NRG1: variants seen among roughly 807,000 people sequenced by gnomAD.
NRG1 encodes the protein pro-neuregulin-1, membrane-bound isoform.
In NRG1, 18 loss-of-function variants were observed where a neutral mutation model predicts 63.8. The observed-to-expected ratio is 0.28, with a 90% CI of 0.19 to 0.42. NRG1 has a LOEUF of 0.42. Among genes scored for constraint, NRG1 ranks in the 10% least tolerant of loss-of-function variants. The pLI, the probability that NRG1 is intolerant of heterozygous loss-of-function variation, is 1.00. For missense variants in NRG1, 762 were observed against 814.7 expected (o/e 0.94, Z 0.79); for synonymous variants, 302 against 301.3 (o/e 1.00, Z -0.02).
chr8:31,730,071 G>A (rs1020242393), intron 1 of NRG1, among the ~76,000 whole-genome samples: 1 of 152,090 alleles, frequency 6.6e-6, no homozygotes, highest in African/African-American at 2.4e-5. Context: ...GAGCAATACA[G>A]TCAAACTGAT....
At chr8:32,164,982 G>T (rs118101294) in intron 1 of NRG1, among the ~76,000 whole-genome samples, 1,766 of 152,150 alleles carry the variant, frequency 0.012, 17 homozygotes, top group Admixed American at 0.024. Context: ...GAGGCACTAA[G>T]AAATAAAATG....
At chr8:32,565,743 C>T (rs968721845) in intron 1 of NRG1, among the ~76,000 whole-genome samples, 15 of 152,048 alleles carry the variant, frequency 9.9e-5, no homozygotes. Flanking sequence ...GCAGAGTAAG[C>T]CTAGTTGTTT....
intron 1 of NRG1, among the ~76,000 whole-genome samples, chr8:32,243,048 C>G (rs1377710860): frequency 6.6e-6 from 1 of 152,070 alleles, no homozygotes. Flanking sequence ...TTGTAGATGT[C>G]TGTCTTCTCC....
intron 1 of NRG1, among the ~76,000 whole-genome samples, chr8:32,432,072 T>C (rs888491190): frequency 6.6e-6 from 1 of 152,130 alleles, no homozygotes; most frequent in Non-Finnish European, 1.5e-5. Flanking sequence ...GAATTCCTAA[T>C]TGTAGAATTT....
intron 6 of NRG1, among the ~76,000 whole-genome samples, chr8:32,735,210 A>G (rs986623692): frequency 9.8e-5 from 15 of 152,320 alleles, no homozygotes; most frequent in Non-Finnish European, 1.6e-4. Flanking sequence ...TCTGTTGGTG[A>G]ACACTTAAGT....
chr8:32,488,613 C>CCAAACAAACAAA (rs34689410), intron 1 of NRG1, among the ~76,000 whole-genome samples: 29 of 150,286 alleles, frequency 1.9e-4, no homozygotes, highest in African/African-American at 6.4e-4. Flanking sequence ...CCATCTCTAC[C>CCAAACAAACAAA]CAAACAAACA....
chr8:32,214,201 C>A (rs1383424668), intron 1 of NRG1, among the ~76,000 whole-genome samples: 1 of 152,102 alleles, frequency 6.6e-6, no homozygotes, highest in Non-Finnish European at 1.5e-5. Flanking sequence ...TTTCTTATAG[C>A]TGTTTTCTCT....
At chr8:32,330,782 C>G (rs1196858700) in intron 1 of NRG1, among the ~76,000 whole-genome samples, 1 of 152,164 alleles carries the variant, frequency 6.6e-6, no homozygotes, top group African/African-American at 2.4e-5. Context: ...GGCCACGGAC[C>G]ATGGCACTCA....
At chr8:32,095,556 T>A (rs1343195872) in intron 1 of NRG1, among the ~76,000 whole-genome samples, 1 of 152,198 alleles carries the variant, frequency 6.6e-6, no homozygotes, top group Non-Finnish European at 1.5e-5. Context: ...TTTTTAATTG[T>A]CCATATGAAA....
rs1834553102 is a variant in NRG1 at position 31,928,222 on chromosome 8, A to C, written c.37+288791A>C. Among the ~76,000 whole-genome samples the C allele has an allele frequency of 3.9e-5, 6 of 151,966 alleles. No homozygotes were observed. In the South Asian group the frequency reaches 1.2e-3, roughly 31 times the overall value. ...CTTGGTATTTTTGAAGTTCCACTTG[A>C]AAGTGCTGTTGGCCATCACTAATCA... is the stretch of plus-strand genomic sequence containing the variant. On this transcript the variant is annotated intron_variant, in intron 1 of 10. Transcript: ENST00000519301.
In NRG1 at chr8:31,939,856, C is replaced by T. The variant is rs141140715; in HGVS notation, c.37+300425C>T. Among the ~76,000 whole-genome samples, 68 of 152,222 alleles carry T rather than the reference C, an allele frequency of 4.5e-4. No individual in the cohort carries two copies. In the East Asian group the frequency reaches 0.013, roughly 28 times the overall value. Reference sequence around the variant, plus strand: ...TATAATGTTAAAGGGATTAGTCTGGCAGGAAAATACCGCAATTCTAAATAT... The same window carrying T: ...TATAATGTTAAAGGGATTAGTCTGGTAGGAAAATACCGCAATTCTAAATAT... On this transcript the variant is annotated intron_variant, in intron 1 of 10. Coordinates refer to the NRG1 transcript ENST00000519301.
At chr8:32,449,716 T>C (rs192131648) in intron 1 of NRG1, among the ~76,000 whole-genome samples, 36 of 152,340 alleles carry the variant, frequency 2.4e-4, no homozygotes, top group Admixed American at 1.4e-3. Context: ...TATTTGGATA[T>C]ACTGGTATTA....
At chr8:32,548,371 A>C (rs1434456506) in exon 1 of NRG1, 2 of 1,030,020 alleles carry the variant, frequency 1.9e-6, no homozygotes, top group Non-Finnish European at 2.3e-6. Context: ...CGGCTGCCGG[A>C]CGATGGGAGC....
At chr8:32,590,528 A>G (rs17721438) in intron 1 of NRG1, among the ~76,000 whole-genome samples, 22,836 of 152,252 alleles carry the variant, frequency 0.15, 1,838 homozygotes, top group Middle Eastern at 0.2. Context: ...CTTTCAAGAC[A>G]AGTAAAAATT....
intron 5 of NRG1, among the ~76,000 whole-genome samples, chr8:32,664,021 A>G (rs1202738225): frequency 5.3e-5 from 8 of 152,166 alleles, no homozygotes; most frequent in Non-Finnish European, 1.2e-4. Flanking sequence ...CATCCATCCT[A>G]CCACATAGGT....
rs144418699 is a variant in NRG1 at position 31,812,894 on chromosome 8, T to C, written c.37+173463T>C. Among the ~76,000 whole-genome samples, 1,138 of 152,324 alleles carry C rather than the reference T, an allele frequency of 7.5e-3. 9 individuals carry two copies. Among genetic ancestry groups the C allele is most frequent in the Middle Eastern group, 0.02 (6 of 294 alleles). ...ATAGTCTAAGTGTGATTATCAAAAA[T>C]GCTTGAGAATCAATAGAACCACATG... On this transcript the variant is annotated intron_variant, in intron 1 of 10. Transcript: ENST00000519301.
intron 1 of NRG1, among the ~76,000 whole-genome samples, chr8:32,165,253 C>T (rs192230733): frequency 1.3e-5 from 2 of 152,130 alleles, no homozygotes; most frequent in African/African-American, 4.8e-5. Flanking sequence ...ATCTTCCTAC[C>T]TCAGCCTTCT....
chr8:32,654,302 T>A (rs1290475239), intron 5 of NRG1, among the ~76,000 whole-genome samples: 1 of 152,212 alleles, frequency 6.6e-6, no homozygotes, highest in Non-Finnish European at 1.5e-5. Context: ...TTAGTAAAAC[T>A]TTTATCACCC....
Position 31,649,791 on chromosome 8 carries a change from A to G in NRG1, c.37+10360A>G, listed in dbSNP as rs575959908. Among the ~76,000 whole-genome samples, 30 of 152,324 alleles carry G rather than the reference A, an allele frequency of 2.0e-4. No homozygotes were observed. The South Asian group carries it at 4.6e-3, about 23-fold the overall frequency. On this transcript the variant is annotated intron_variant, in intron 1 of 10. Transcript: ENST00000519301. ...TCATGAGAATATTGTATTTTTATTC[A>G]TATTGCTATCAGTGTAGTCCAGAAA...
Sources: allele counts gnomAD v4.1 joint callset (sites outside exome capture counted in the v4.1 genomes callset), GRCh38; gene constraint gnomAD v4.1.1; transcripts MANE v1.5; gene names NCBI Gene and HGNC (gene_info 2026-07-23, HGNC 2026-07-21).